The following GRIN3A variants were observed in gnomAD, a reference collection of about 807,000 sequenced individuals.
GRIN3A encodes the protein glutamate receptor ionotropic, NMDA 3A.
In GRIN3A, 47 loss-of-function variants were observed where a neutral mutation model predicts 92.4. The ratio of observed to expected loss-of-function variants is 0.51; its 90% CI spans 0.40 to 0.65. GRIN3A has a LOEUF of 0.65. Ranked by LOEUF, GRIN3A falls within the 30% of genes least tolerant of loss-of-function variation. GRIN3A has a pLI of 0.00. For missense variants in GRIN3A, 1,324 were observed against 1,393.1 expected, an observed-to-expected ratio of 0.95 and a Z score of 0.79; for synonymous variants, 527 against 540.6, an observed-to-expected ratio of 0.97 and a Z score of 0.35.
At chr9:101,667,043 A>G (rs1255390456) in intron 3 of GRIN3A, among the ~76,000 whole-genome samples, 2 of 151,860 alleles carry the variant, frequency 1.3e-5, no homozygotes, top group Non-Finnish European at 2.9e-5. Flanking sequence ...GACATCAAAG[A>G]TCCTCTGTTA....
In GRIN3A at chr9:101,737,638, C is replaced by G; in HGVS notation, c.342G>C (p.Gly114=). 1.2e-6 allele frequency: 2 copies of G among 1,610,718 alleles called. No individual in the cohort carries two copies. Among genetic ancestry groups the G allele is most frequent in the South Asian group, 2.2e-5 (2 of 90,970 alleles). ...GRGPPGSRKP[G]EGARAEALWP... is the part of the protein sequence containing the mutation. ...ACAGGGCCTCCGCCCTGGCGCCCTC[C>G]CCGGGCTTACGGGAGCCCGGCGGCC... Residue 114 remains glycine, a synonymous_variant, in exon 1 of 9, where the codon GGG becomes GGC. Coordinates refer to ENST00000361820, the MANE Select transcript of GRIN3A (RefSeq NM_133445.3).
At chr9:101,616,515 T>G (rs1828455705) in intron 5 of GRIN3A, among the ~76,000 whole-genome samples, 1 of 152,038 alleles carries the variant, frequency 6.6e-6, no homozygotes, top group African/African-American at 2.4e-5. Context: ...TTCCTATTGT[T>G]AAGCAACAAA....
chr9:101,588,245 C>T (rs1403116136), intron 6 of GRIN3A, among the ~76,000 whole-genome samples: 2 of 152,160 alleles, frequency 1.3e-5, no homozygotes, highest in African/African-American at 4.8e-5. Flanking sequence ...TTAACCAAGA[C>T]ATAGTGAAAG....
intron 3 of GRIN3A, among the ~76,000 whole-genome samples, chr9:101,631,174 T>C (rs1463067232): frequency 7.9e-5 from 12 of 152,228 alleles, no homozygotes; most frequent in South Asian, 2.1e-4. Context: ...TAAACAAGAA[T>C]AATGTTAATT....
intron 1 of GRIN3A, among the ~76,000 whole-genome samples, chr9:101,733,659 G>A (rs1830168852): frequency 6.6e-6 from 1 of 152,142 alleles, no homozygotes; most frequent in Non-Finnish European, 1.5e-5. Flanking sequence ...TGCAAAAATA[G>A]TGCTTTGTTA....
At chr9:101,709,227 C>T (rs188185227) in intron 1 of GRIN3A, among the ~76,000 whole-genome samples, 8 of 152,126 alleles carry the variant, frequency 5.3e-5, no homozygotes, top group Admixed American at 1.3e-4. Flanking sequence ...TCAAATAGGT[C>T]TCAGAAAATT....
intron 3 of GRIN3A, among the ~76,000 whole-genome samples, chr9:101,633,282 A>G (rs980859237): frequency 6.6e-6 from 1 of 152,158 alleles, no homozygotes; most frequent in Admixed American, 6.5e-5. Flanking sequence ...ACCTGGTATT[A>G]TGTTCTTTGG....
chr9:101,708,718 C>T lies in GRIN3A; in HGVS notation c.700-21518G>A, dbSNP rs150870694. Among the ~76,000 whole-genome samples, 754 of 152,198 alleles carry T rather than the reference C, an allele frequency of 5.0e-3. 7 individuals are homozygous for T. Among genetic ancestry groups the T allele is most frequent in the Admixed American group, 6.0e-3 (92 of 15,276 alleles). On this transcript the variant is annotated intron_variant, in intron 1 of 8. Coordinates refer to ENST00000361820, the MANE Select transcript of GRIN3A (RefSeq NM_133445.3). The stretch of plus-strand genomic sequence containing the variant: ...TAATGGAGTAGTGATTTGTCTTATG[C>T]GTTTCTATGGCTAGCCTGACATTTT...
chr9:101,573,467 G>C lies in GRIN3A; in HGVS notation c.3055C>G (p.Leu1019Val). ...RQLTVWNTSN[L>V]SHDNRRKYIF... ...TATTTCCGTCGGTTGTCATGACTCA[G>C]ATTGGAAGTATTCCATACGGTAAGC... Residue 1019 changes from leucine to valine, a missense_variant, in exon 9 of 9, where the codon CTG becomes GTG. By Grantham distance (32) the Leu-to-Val change is conservative. Coordinates refer to ENST00000361820, the MANE Select transcript of GRIN3A (RefSeq NM_133445.3). 2 of 1,614,042 alleles carry C rather than the reference G, an allele frequency of 1.2e-6. No homozygotes were observed. Among genetic ancestry groups the C allele is most frequent in the South Asian group, 1.1e-5 (1 of 91,084 alleles).
intron 2 of GRIN3A, among the ~76,000 whole-genome samples, chr9:101,677,611 G>A (rs574872319): frequency 2.6e-5 from 4 of 151,230 alleles, no homozygotes; most frequent in East Asian, 3.9e-4. Context: ...CTTTTCTTAC[G>A]GCCCTAGGGA....
intron 3 of GRIN3A, among the ~76,000 whole-genome samples, chr9:101,658,501 C>A (rs1306065391): frequency 6.6e-6 from 1 of 151,596 alleles, no homozygotes; most frequent in Non-Finnish European, 1.5e-5. Flanking sequence ...TAATTATATG[C>A]CTTCAGGTCA....
At chr9:101,649,506 C>T (rs1048811617) in intron 3 of GRIN3A, among the ~76,000 whole-genome samples, 3 of 152,004 alleles carry the variant, frequency 2.0e-5, no homozygotes. Flanking sequence ...GAGAATGAAT[C>T]TACGCCTCCA....
At chr9:101,688,944 A>G (rs1213154307) in intron 1 of GRIN3A, among the ~76,000 whole-genome samples, 1 of 152,182 alleles carries the variant, frequency 6.6e-6, no homozygotes, top group Non-Finnish European at 1.5e-5. Context: ...AAAGGTCTCA[A>G]AAACCAGGAG....
intron 1 of GRIN3A, among the ~76,000 whole-genome samples, chr9:101,728,109 GA>G (rs1830100240): frequency 6.6e-6 from 1 of 152,084 alleles, no homozygotes; most frequent in Admixed American, 6.5e-5. Flanking sequence ...GGTTGGGACT[GA>G]AAAAATAGCA....
chr9:101,604,542 C>A (rs1828252120), intron 6 of GRIN3A, among the ~76,000 whole-genome samples: 1 of 152,164 alleles, frequency 6.6e-6, no homozygotes, highest in Non-Finnish European at 1.5e-5. Flanking sequence ...TCTTGATATA[C>A]ACGAGTTTTC....
intron 1 of GRIN3A, among the ~76,000 whole-genome samples, chr9:101,732,169 A>G (rs1830146975): frequency 6.6e-6 from 1 of 152,178 alleles, no homozygotes; most frequent in Non-Finnish European, 1.5e-5. Flanking sequence ...TGGTTTGTAA[A>G]TTATATATCC....
chr9:101,618,887 A>T lies in GRIN3A; in HGVS notation c.2614+4431T>A, dbSNP rs550038363. ...TGAGTTGCTTTCATTATTACTAGAA[A>T]TGTGGCTTTGCAATAAAGACAGGGT... On this transcript the variant is annotated intron_variant, in intron 5 of 8. Coordinates refer to ENST00000361820, the MANE Select transcript of GRIN3A (RefSeq NM_133445.3). 4.1e-3 allele frequency among the ~76,000 whole-genome samples: 620 copies of T among 152,270 alleles called. 6 individuals carry two copies. The highest frequency in any genetic ancestry group is 0.012 in the African/African-American group (507 of 41,556).
intron 3 of GRIN3A, among the ~76,000 whole-genome samples, chr9:101,652,104 C>T (rs1829022520): frequency 6.6e-6 from 1 of 152,010 alleles, no homozygotes; most frequent in South Asian, 2.1e-4. Context: ...TACATTATTT[C>T]ATAATTGTCT....
chr9:101,627,956 A>G (rs1828655811), intron 4 of GRIN3A, among the ~76,000 whole-genome samples: 1 of 152,158 alleles, frequency 6.6e-6, no homozygotes, highest in African/African-American at 2.4e-5. Context: ...TTGTATTCTC[A>G]AGTGATGTAA....
Sources: allele counts gnomAD v4.1 joint callset (sites outside exome capture counted in the v4.1 genomes callset), GRCh38; gene constraint gnomAD v4.1.1; transcripts MANE v1.5; gene names NCBI Gene and HGNC (gene_info 2026-07-23, HGNC 2026-07-21).